Variants in CROCC2 observed in about 807,000 individuals in gnomAD.
The protein encoded by CROCC2 is ciliary rootlet coiled-coil, rootletin family member 2.
In CROCC2, 163 loss-of-function variants were observed where a neutral mutation model predicts 177.6. That is an observed-to-expected ratio of 0.92 (90% CI 0.81 to 1.05). The LOEUF (loss-of-function observed/expected upper bound fraction) is 1.05. Ranked by LOEUF, CROCC2 falls within the 50% of genes least tolerant of loss-of-function variation. The pLI, the probability that CROCC2 is intolerant of heterozygous loss-of-function variation, is 0.00. For missense variants in CROCC2, 1,929 were observed against 1,797.8 expected (o/e 1.07, Z -1.32); for synonymous variants, 904 against 787.3 (o/e 1.15, Z -2.48).
chr2:240,983,362 G>T, intron 28 of CROCC2: 1 of 1,294,252 alleles, frequency 7.7e-7, no homozygotes, highest in Non-Finnish European at 1.0e-6. Context: ...TAGATGGAAC[G>T]ACCCCGCTCT....
intron 20 of CROCC2, among the ~76,000 whole-genome samples, chr2:240,963,025 G>C (rs930107135): frequency 6.6e-6 from 1 of 152,236 alleles, no homozygotes; most frequent in Non-Finnish European, 1.5e-5. Context: ...AAGGGAGTGG[G>C]TGAGCCCCCA....
intron 19 of CROCC2, 68 bp downstream of exon 19, chr2:240,956,040 C>T (rs2059588257): frequency 1.7e-6 from 2 of 1,173,590 alleles, no homozygotes; most frequent in Non-Finnish European, 2.4e-6. Flanking sequence ...GGGGCCACCC[C>T]TCCTGCCTGG....
At chr2:240,934,558 C>A in intron 12 of CROCC2, 83 bp downstream of exon 12, 1 of 1,355,900 alleles carries the variant, frequency 7.4e-7, no homozygotes, top group Non-Finnish European at 1.0e-6. Context: ...CTCCCACTCC[C>A]TCTCTCCTGC....
Position 240,931,046 on chromosome 2 carries a change from G to A in CROCC2, c.865G>A (p.Gly289Arg), listed in dbSNP as rs140873239. 2.5e-3 allele frequency: 1,777 copies of A among 716,738 alleles called. 23 individuals are homozygous for A. The African/African-American group carries it at 0.027, about 11-fold the overall frequency. 44.4% of individuals were successfully genotyped at this position (716,738 alleles called of 1,614,324 possible). A position where few individuals can be genotyped will look rare whatever the true frequency, so the allele number is the denominator to read the frequency against. The change falls in exon 7 of 32, where the codon GGG (glycine) becomes AGG (arginine). Residue 289 changes from glycine to arginine, a missense_variant. Physicochemically the swap from Gly to Arg is moderately radical, Grantham distance 125. This residue lies in a region of CROCC2 where 1,397 missense variants were observed against 1,239.9 expected (regional missense o/e 1.13). Coordinates refer to ENST00000690015, the MANE Select transcript of CROCC2 (RefSeq NM_001351305.2). ...GGCCAGCAGCACGGCCAGCACCCTG[G>A]GGCAGCAGCTTCGGGACAAGGCTGG... ...LSASSTASTL[G>R]QQLRDKAGEM...
rs1559595206 is a variant in CROCC2, at chr2:240,932,771, CG to C, written c.1115del (p.Arg372ProfsTer3). 9 of 1,289,050 alleles carry C rather than the reference CG, an allele frequency of 7.0e-6. No homozygotes were observed. The South Asian group carries it at 8.9e-5, about 13-fold the overall frequency. The allele number at this position is 1,289,050 out of a possible 1,614,324, so 79.9% of individuals were successfully genotyped here. On this transcript the variant is annotated frameshift_variant, in exon 9 of 32. Coordinates refer to ENST00000690015, the MANE Select transcript of CROCC2 (RefSeq NM_001351305.2). LOFTEE classifies it high-confidence loss of function. The stretch of plus-strand genomic sequence containing the variant: ...CATCACTGAATTGGGGGAGCCACGG[CG>C]CCCACTGAGGAGCCCCCAACGTGCC... The part of the protein sequence containing the change: ...SSITELGEPR[R>X]PLRSPQRATS...
intron 5 of CROCC2, chr2:240,929,744 T>G: frequency 2.2e-6 from 1 of 462,848 alleles, no homozygotes; most frequent in Non-Finnish European, 4.3e-6. Context: ...CCTCTTCCAT[T>G]GGAGTGGCAG....
chr2:240,932,557 C>T, intron 8 of CROCC2, 143 bp downstream of exon 8: 1 of 689,428 alleles, frequency 1.5e-6, no homozygotes, highest in South Asian at 1.6e-5. Context: ...TGAGGCACGT[C>T]AGGAAGGTGT....
At position 240,920,071 on chromosome 2, in the gene CROCC2, G is replaced by C. The variant is rs1199174442; in HGVS notation, c.318G>C (p.Leu106=). 2.2e-5 allele frequency: 16 copies of C among 715,134 alleles called. No individual in the cohort carries two copies. Among genetic ancestry groups the C allele is most frequent in the Non-Finnish European group, 3.9e-5 (15 of 384,658 alleles). 44.3% of individuals were successfully genotyped at this position (715,134 alleles called of 1,614,324 possible). Residue 106 remains leucine, a synonymous_variant, in exon 3 of 32, where the codon CTG becomes CTC. Coordinates refer to ENST00000690015, the MANE Select transcript of CROCC2 (RefSeq NM_001351305.2). ...AGGAGCTGACCCGGCTGGGGGACCT[G>C]CTGGCCCAGGCCAGCGCCGAGCGAG... ...LQEELTRLGD[L]LAQASAERDE... is the part of the protein sequence containing the mutation.
chr2:240,981,329 G>T, intron 27 of CROCC2, among the ~76,000 whole-genome samples: 1 of 152,162 alleles, frequency 6.6e-6, no homozygotes, highest in East Asian at 1.9e-4. Context: ...TGAGCACTCA[G>T]CTCTGGGGGA....
chr2:240,970,858 G>C (rs1268721424), intron 27 of CROCC2, among the ~76,000 whole-genome samples: 3 of 152,154 alleles, frequency 2.0e-5, no homozygotes, highest in African/African-American at 7.2e-5. Context: ...AGTCCCATAG[G>C]TGAGAAGCCT....
intron 2 of CROCC2, 139 bp downstream of exon 2, chr2:240,919,015 G>C (rs536994498): frequency 3.3e-6 from 2 of 604,764 alleles, no homozygotes; most frequent in Non-Finnish European, 5.9e-6. Flanking sequence ...GATGGCGTGG[G>C]GGACAGTCCT....
Position 240,934,927 on chromosome 2 carries a change from C to A in CROCC2, c.1803C>A (p.Ser601Arg). ...LRSALARAEC[S>R]NADLELLVRR... ...CCTCCCTGCCCCAGGCCGAGTGCAG[C>A]AATGCGGACCTGGAGCTTCTTGTGA... Residue 601 changes from serine to arginine, a missense_variant, in exon 13 of 32, where the codon AGC becomes AGA. Physicochemically the swap from Ser to Arg is moderately radical, Grantham distance 110. Transcript: ENST00000690015. 6.6e-7 allele frequency: 1 copy of A among 1,519,484 alleles called. No homozygotes were observed. Among genetic ancestry groups the A allele is most frequent in the Non-Finnish European group, 8.8e-7 (1 of 1,133,066 alleles). The allele number at this position is 1,519,484 out of a possible 1,614,324, so 94.1% of individuals were successfully genotyped here. A position where few individuals can be genotyped will look rare whatever the true frequency, so the allele number is the denominator to read the frequency against.
Position 240,933,757 on chromosome 2 carries a change from G to GGATGCAGA in CROCC2, c.1552_1553insATGCAGAG (p.Ala518AspfsTer60). On this transcript the variant is annotated frameshift_variant, in exon 11 of 32. Coordinates refer to ENST00000690015, the MANE Select transcript of CROCC2 (RefSeq NM_001351305.2). LOFTEE classifies it high-confidence loss of function. ...CGGAGAAGCAGGGGCTGGAGGCCGA[G>GGATGCAGA]GCTGCAGAGCTGCAGAGAAGCCTCC... 6.5e-7 allele frequency: 1 copy of GGATGCAGA among 1,549,878 alleles called. No individual in the cohort carries two copies. The highest frequency in any genetic ancestry group is 8.7e-7 in the Non-Finnish European group (1 of 1,146,842).
chr2:240,970,941 G>T (rs187285268), intron 27 of CROCC2, among the ~76,000 whole-genome samples: 2 of 152,196 alleles, frequency 1.3e-5, no homozygotes, highest in Non-Finnish European at 2.9e-5. Flanking sequence ...GAGGCCACGG[G>T]GAAGAGTCCT....
At position 240,906,588 on chromosome 2, in the gene CROCC2, C is replaced by T; in HGVS notation, c.75C>T (p.Ile25=). 1 of 399,154 alleles carries T rather than the reference C, an allele frequency of 2.5e-6. No individual in the cohort carries two copies. Among genetic ancestry groups the T allele is most frequent in the East Asian group, 3.6e-5 (1 of 28,072 alleles). The allele number at this position is 399,154 out of a possible 1,614,324, so 24.7% of individuals were successfully genotyped here. A position where few individuals can be genotyped will look rare whatever the true frequency, so the allele number is the denominator to read the frequency against. Residue 25 remains isoleucine (I), a synonymous_variant, in exon 1 of 32, where the codon ATC becomes ATT. Coordinates refer to ENST00000690015, the MANE Select transcript of CROCC2 (RefSeq NM_001351305.2). ...CCCTACTGGGGCTGGACACCGTGATCCAGGTCAGTGGGGTGGTCACTTCCC... is the reference window on the plus strand; with the variant it reads ...CCCTACTGGGGCTGGACACCGTGATTCAGGTCAGTGGGGTGGTCACTTCCC... The part of the protein sequence containing the change: ...QQPLLGLDTV[I]QRLEDTILSP...
At chr2:240,914,544 A>G (rs1189870235) in intron 1 of CROCC2, among the ~76,000 whole-genome samples, 3 of 152,194 alleles carry the variant, frequency 2.0e-5, no homozygotes, top group Non-Finnish European at 4.4e-5. Context: ...TCGCGGCCAC[A>G]CGGGGGCACT....
chr2:240,964,496 G>T lies in CROCC2; in HGVS notation c.3336G>T (p.Gln1112His). The change falls in exon 22 of 32, where the codon CAG becomes CAT. Residue 1112 changes from glutamine to histidine, a missense_variant. Transcript: ENST00000690015. ...SFKRSKEEKEQKLLILEEAQA... is the reference protein window; with the variant it reads ...SFKRSKEEKEHKLLILEEAQA... Reference sequence around the variant, plus strand: ...AGCGGTCCAAGGAGGAGAAGGAGCAGAAGCTGCTCATCCTGGAGGAGGCCC... The same window carrying T: ...AGCGGTCCAAGGAGGAGAAGGAGCATAAGCTGCTCATCCTGGAGGAGGCCC... 1.3e-6 allele frequency: 2 copies of T among 1,548,990 alleles called. No individual in the cohort carries two copies. Among genetic ancestry groups the T allele is most frequent in the Non-Finnish European group, 1.7e-6 (2 of 1,146,860 alleles).
Position 240,918,020 on chromosome 2 carries a change from G to T in CROCC2, c.79-706G>T, listed in dbSNP as rs2059331432. 6.6e-6 allele frequency among the ~76,000 whole-genome samples: 1 copy of T among 152,218 alleles called. No individual in the cohort carries two copies. The highest frequency in any genetic ancestry group is 2.4e-5 in the African/African-American group (1 of 41,454). ...CACCCAGGCACTCCTGGGGCAGAAG[G>T]GCAGCCATTCAGCAAACACCTCCTG... is the stretch of plus-strand genomic sequence containing the variant. On this transcript the variant is annotated intron_variant, in intron 1 of 31. Transcript: ENST00000690015. This position sits in a 1 kb window ranked among gnomAD's most constrained non-coding sequence, Gnocchi z 6.3.
chr2:240,945,868 TGA>T (rs1468070816), intron 14 of CROCC2, among the ~76,000 whole-genome samples, 190 bp from the exon 15 acceptor site: 16 of 152,232 alleles, frequency 1.1e-4, no homozygotes, highest in Non-Finnish European at 2.1e-4. Context: ...TCAGGGTACC[TGA>T]GTGGATGCCC....
Sources: gnomAD v4.1 joint callset for allele counts (sites outside exome capture counted in the v4.1 genomes callset) on GRCh38, gnomAD v4.1.1 for gene constraint, gnomAD v4.1.1 regional missense constraint, Gnocchi (gnomAD v3.1) non-coding constraint, MANE v1.5 for transcripts, NCBI Gene and HGNC (gene_info 2026-07-23, HGNC 2026-07-21) for gene names.